Variants in CLSTN1 observed in about 807,000 individuals in gnomAD.
CLSTN1 encodes calsyntenin-1.
CLSTN1 carries 28 observed loss-of-function variants against 108.3 expected under a neutral mutation model. That is an observed-to-expected ratio of 0.26 (90% CI 0.19 to 0.35). The LOEUF is 0.35. CLSTN1 is among the 10% of genes least tolerant of loss of function. CLSTN1 has a pLI of 1.00. For synonymous variants in CLSTN1, 524 were observed against 534.9 expected, an observed-to-expected ratio of 0.98 and a Z score of 0.28; for missense variants, 1,157 against 1,302.6, an observed-to-expected ratio of 0.89 and a Z score of 1.72.
At chr1:9,791,131 G>T (rs1346139455) in intron 1 of CLSTN1, among the ~76,000 whole-genome samples, 4 of 124,690 alleles carry the variant, frequency 3.2e-5, no homozygotes, top group Non-Finnish European at 6.2e-5. Flanking sequence ...AACAGAGTGA[G>T]ACTCTATCTC....
intron 1 of CLSTN1, among the ~76,000 whole-genome samples, chr1:9,802,396 C>G (rs541596186): frequency 2.0e-5 from 3 of 152,314 alleles, no homozygotes; most frequent in African/African-American, 4.8e-5. Context: ...CTCTTGTCAA[C>G]TCTGCAACTG....
intron 3 of CLSTN1, 35 bp downstream of exon 3, chr1:9,756,446 T>TA: frequency 6.3e-7 from 1 of 1,586,290 alleles, no homozygotes; most frequent in Non-Finnish European, 8.7e-7. Context: ...AGTGGGTTAA[T>TA]ATTCATAAGA....
chr1:9,817,102 C>T (rs1204312496), intron 1 of CLSTN1, among the ~76,000 whole-genome samples: 1 of 152,190 alleles, frequency 6.6e-6, no homozygotes, highest in Admixed American at 6.5e-5. Flanking sequence ...TGCGGTAGCT[C>T]ATACCTATAA....
intron 2 of CLSTN1, among the ~76,000 whole-genome samples, chr1:9,761,359 G>A (rs1159474210): frequency 6.6e-6 from 1 of 152,080 alleles, no homozygotes; most frequent in African/African-American, 2.4e-5. Flanking sequence ...TGGGAGTGGT[G>A]GCGTGTGCCT....
rs199844719 is a variant in CLSTN1 at position 9,809,405 on chromosome 1, T to A, written c.91+14238A>T. Among the ~76,000 whole-genome samples, 26 of 152,306 alleles carry A rather than the reference T, an allele frequency of 1.7e-4. No homozygotes were observed. The East Asian group carries it at 4.6e-3, about 27-fold the overall frequency. On this transcript the variant is annotated intron_variant, in intron 1 of 18. Transcript: ENST00000377298. ...TGTGCACACCACTCTGCACCGTGCA[T>A]TCCTGAAGATAACATGAACGGCCTC... is the stretch of plus-strand genomic sequence containing the variant.
intron 2 of CLSTN1, among the ~76,000 whole-genome samples, chr1:9,767,280 C>T (rs113562751): frequency 1.8e-4 from 28 of 152,324 alleles, no homozygotes; most frequent in Admixed American, 1.2e-3. Flanking sequence ...CAGTGGCTCA[C>T]GCCTGTAATC....
intron 1 of CLSTN1, among the ~76,000 whole-genome samples, chr1:9,792,946 A>T (rs1653832376): frequency 1.3e-5 from 2 of 151,418 alleles, no homozygotes. Context: ...CCTCTCTCTC[A>T]TTCCAACATT....
chr1:9,775,870 G>C (rs928667207), intron 1 of CLSTN1, among the ~76,000 whole-genome samples: 7 of 152,124 alleles, frequency 4.6e-5, no homozygotes, highest in African/African-American at 1.4e-4. Flanking sequence ...ACTTTCCCCA[G>C]AGTGGCACCC....
intron 2 of CLSTN1, among the ~76,000 whole-genome samples, chr1:9,760,688 T>G (rs1228343530): frequency 7.0e-6 from 1 of 141,916 alleles, no homozygotes; most frequent in Non-Finnish European, 1.6e-5. Context: ...TCCCGGGTTT[T>G]TTTTTTTTTT....
rs1650151871 is a variant in CLSTN1 at position 9,729,024 on chromosome 1, A to AGTT, written c.*1481_*1483dup. 1 of 151,976 alleles carries AGTT rather than the reference A, an allele frequency of 6.6e-6. No individual in the cohort carries two copies. Among genetic ancestry groups the AGTT allele is most frequent in the African/African-American group, 2.4e-5 (1 of 41,246 alleles). 9.4% of individuals were successfully genotyped at this position (151,976 alleles called of 1,614,324 possible). A position where few individuals can be genotyped will look rare whatever the true frequency, so the allele number is the denominator to read the frequency against. On this transcript the variant is annotated 3_prime_UTR_variant, in exon 19 of 19. Transcript: ENST00000377298. Reference sequence around the variant, plus strand: ...AGAAGACAAACCCCGCTCCGGCTGGAGTTAGTTAGAACCAGAACTTTATTG... The same window carrying AGTT: ...AGAAGACAAACCCCGCTCCGGCTGGAGTTGTTAGTTAGAACCAGAACTTTATTG...
chr1:9,736,534 G>T (rs1650699527), intron 11 of CLSTN1, among the ~76,000 whole-genome samples: 1 of 152,192 alleles, frequency 6.6e-6, no homozygotes, highest in Admixed American at 6.5e-5. Context: ...CTATTTCAAG[G>T]ATGCTATGGT....
intron 1 of CLSTN1, among the ~76,000 whole-genome samples, chr1:9,775,402 T>C: frequency 6.6e-6 from 1 of 152,058 alleles, no homozygotes; most frequent in Non-Finnish European, 1.5e-5. Flanking sequence ...ATTGGGACTC[T>C]ACCAGAACTG....
intron 16 of CLSTN1, 94 bp from the exon 17 acceptor site, chr1:9,731,990 A>ATG: frequency 6.7e-7 from 1 of 1,493,870 alleles, no homozygotes; most frequent in Non-Finnish European, 9.3e-7. Flanking sequence ...GACCAGTGCC[A>ATG]CTCAGAGTGG....
rs557294549 is a variant in CLSTN1, at chr1:9,754,852, T to C, written c.440+262A>G. On this transcript the variant is annotated intron_variant, in intron 4 of 18. Transcript: ENST00000377298. ...CCTGGGCAACAAGAGCAAAACTCCA[T>C]CTCAAAAAACAAACAAAAACAACCC... Among the ~76,000 whole-genome samples, 4 of 152,168 alleles carry C rather than the reference T, an allele frequency of 2.6e-5. No individual in the cohort carries two copies. In the South Asian group the frequency reaches 6.2e-4, roughly 24 times the overall value.
intron 11 of CLSTN1, 117 bp downstream of exon 11, chr1:9,737,381 G>A (rs1650749842): frequency 4.6e-6 from 4 of 874,518 alleles, no homozygotes; most frequent in Non-Finnish European, 7.8e-6. Context: ...CAGGGAAGCA[G>A]CTCAGATGGT....
At chr1:9,760,368 G>T (rs1254472092) in intron 2 of CLSTN1, among the ~76,000 whole-genome samples, 1 of 152,170 alleles carries the variant, frequency 6.6e-6, no homozygotes, top group Non-Finnish European at 1.5e-5. Context: ...CACCAGCCTT[G>T]CAACCGAGCC....
intron 7 of CLSTN1, among the ~76,000 whole-genome samples, chr1:9,746,560 A>AAAAATT (rs1335595260): frequency 1.1e-4 from 17 of 152,306 alleles, no homozygotes; most frequent in Middle Eastern, 3.4e-3. Flanking sequence ...ACAAAAATAC[A>AAAAATT]AAAATGAGCC....
intron 5 of CLSTN1, chr1:9,750,210 G>A (rs2101107394): frequency 4.7e-6 from 1 of 212,928 alleles, no homozygotes; most frequent in Non-Finnish European, 9.5e-6. Context: ...ACATTCAGAG[G>A]ATTAAAAAAT....
At chr1:9,736,794 C>A (rs1650712913) in intron 11 of CLSTN1, among the ~76,000 whole-genome samples, 1 of 152,180 alleles carries the variant, frequency 6.6e-6, no homozygotes, top group South Asian at 2.1e-4. Context: ...CGGCTATTTG[C>A]CAGGCATGGT....
Sources: gnomAD v4.1 joint callset for allele counts (sites outside exome capture counted in the v4.1 genomes callset) on GRCh38, gnomAD v4.1.1 for gene constraint, MANE v1.5 for transcripts, NCBI Gene and HGNC (gene_info 2026-07-23, HGNC 2026-07-21) for gene names.